STIM1: variants seen among roughly 807,000 people sequenced by gnomAD.
STIM1 encodes the protein stromal interaction molecule 1.
In STIM1, 25 loss-of-function variants were observed where a neutral mutation model predicts 74.7. The ratio of observed to expected loss-of-function variants is 0.33; its 90% confidence interval spans 0.24 to 0.47. The LOEUF is 0.47. Among genes scored for constraint, STIM1 ranks in the 20% least tolerant of loss-of-function variants. The probability of loss-of-function intolerance (pLI) is 1.00; values close to 1 mark genes in which losing one functional copy is unlikely to be tolerated. For missense variants in STIM1, 728 were observed against 920.8 expected, an observed-to-expected ratio of 0.79 and a Z score of 2.71; for synonymous variants, 328 against 348.8, an observed-to-expected ratio of 0.94 and a Z score of 0.66.
intron 3 of STIM1, among the ~76,000 whole-genome samples, chr11:4,029,214 A>G (rs1295836262): frequency 6.6e-6 from 1 of 151,996 alleles, no homozygotes; most frequent in Non-Finnish European, 1.5e-5. Context: ...TAAATAAATA[A>G]AATAAAGTAA....
chr11:3,988,674 C>T (rs1299164152), intron 2 of STIM1, among the ~76,000 whole-genome samples: 2 of 152,072 alleles, frequency 1.3e-5, no homozygotes, highest in Non-Finnish European at 2.9e-5. Context: ...CTACCACAAC[C>T]AAAGATGTTA....
At chr11:3,925,810 G>A (rs60398029) in intron 1 of STIM1, among the ~76,000 whole-genome samples, 1,651 of 152,250 alleles carry the variant, frequency 0.011, 32 homozygotes, top group African/African-American at 0.036. Context: ...TTATAATAGA[G>A]GCTGTAAAAT....
intron 1 of STIM1, among the ~76,000 whole-genome samples, chr11:3,856,865 G>A (rs1164083679): frequency 1.3e-5 from 2 of 152,130 alleles, no homozygotes; most frequent in Non-Finnish European, 2.9e-5. Flanking sequence ...TGGTGTTCAG[G>A]TGTGCCTATT....
At chr11:3,918,498 T>G (rs1007585040) in intron 1 of STIM1, among the ~76,000 whole-genome samples, 3 of 150,000 alleles carry the variant, frequency 2.0e-5, no homozygotes, top group Non-Finnish European at 4.4e-5. Flanking sequence ...ATCAGACCAC[T>G]GCACTCCAGC....
At chr11:3,868,755 C>T (rs1231145437) in intron 1 of STIM1, among the ~76,000 whole-genome samples, 1 of 152,104 alleles carries the variant, frequency 6.6e-6, no homozygotes, top group East Asian at 1.9e-4. Context: ...AAAACTATCA[C>T]CCTGGTTCAA....
intron 6 of STIM1, among the ~76,000 whole-genome samples, chr11:4,073,048 G>GTTTTTTT (rs56009858): frequency 4.8e-4 from 40 of 82,822 alleles, no homozygotes; most frequent in African/African-American, 1.4e-3. Flanking sequence ...GGACTTAGAG[G>GTTTTTTT]TTTTTTTTTT....
chr11:4,018,264 A>G (rs1410491736), intron 2 of STIM1, among the ~76,000 whole-genome samples: 3 of 150,574 alleles, frequency 2.0e-5, no homozygotes, highest in Admixed American at 2.0e-4. Flanking sequence ...CCTGGCTAAC[A>G]AGGTGAAACC....
chr11:4,027,095 A>C (rs1017684553), intron 3 of STIM1, among the ~76,000 whole-genome samples: 2 of 152,198 alleles, frequency 1.3e-5, no homozygotes, highest in Non-Finnish European at 2.9e-5. Context: ...GGGACCCACC[A>C]GGAATAATAA....
intron 1 of STIM1, among the ~76,000 whole-genome samples, chr11:3,930,363 T>G (rs372081337): frequency 6.2e-4 from 95 of 152,368 alleles, no homozygotes; most frequent in African/African-American, 2.2e-3. Flanking sequence ...TGACTTTGTC[T>G]TTCGAAAATG....
intron 2 of STIM1, among the ~76,000 whole-genome samples, chr11:3,981,902 A>G (rs1267747070): frequency 5.9e-5 from 9 of 152,260 alleles, no homozygotes; most frequent in Admixed American, 5.9e-4. Flanking sequence ...GAGCAAAAGT[A>G]TGTACTTATA....
intron 3 of STIM1, among the ~76,000 whole-genome samples, chr11:4,026,968 G>T (rs2094002705): frequency 6.6e-6 from 1 of 152,146 alleles, no homozygotes; most frequent in African/African-American, 2.4e-5. Flanking sequence ...TCTCCATAAA[G>T]GTTGGATTGG....
intron 3 of STIM1, among the ~76,000 whole-genome samples, chr11:4,053,346 G>A (rs1164892597): frequency 6.6e-6 from 1 of 152,134 alleles, no homozygotes; most frequent in Admixed American, 6.5e-5. Context: ...GTCCATCAAC[G>A]ATAGATTGGA....
At chr11:4,058,553 A>AC (rs551333212) in intron 4 of STIM1, among the ~76,000 whole-genome samples, 125 of 151,774 alleles carry the variant, frequency 8.2e-4, no homozygotes, top group African/African-American at 3.0e-3. Context: ...CATATCTTTT[A>AC]CCCCCCTCCT....
rs1412880672 is a variant in STIM1, at chr11:4,059,284, G to A, written c.501G>A (p.Leu167=). 3.1e-6 allele frequency: 5 copies of A among 1,613,886 alleles called. No homozygotes were observed. Among genetic ancestry groups the A allele is most frequent in the Non-Finnish European group, 4.2e-6 (5 of 1,179,830 alleles). The change falls in exon 5 of 13, where the codon CTG becomes CTA. Residue 167 remains leucine, a synonymous_variant. Transcript: ENST00000526596. ...LQLSGHAMPR[L]AVTNTTMTGT... Reference sequence around the variant, plus strand: ...CTGCTACTCTTTGCCTCAACAGGCTGGCTGTCACCAACACCACCATGACAG... The same window carrying A: ...CTGCTACTCTTTGCCTCAACAGGCTAGCTGTCACCAACACCACCATGACAG...
At chr11:3,865,543 T>C (rs2090821857) in intron 1 of STIM1, among the ~76,000 whole-genome samples, 1 of 152,192 alleles carries the variant, frequency 6.6e-6, no homozygotes, top group Non-Finnish European at 1.5e-5. Context: ...GCTTTTTTAT[T>C]AGGCACAGAA....
chr11:4,089,362 C>T (rs1027896278), intron 12 of STIM1, among the ~76,000 whole-genome samples: 1 of 152,188 alleles, frequency 6.6e-6, no homozygotes, highest in Non-Finnish European at 1.5e-5. Flanking sequence ...ATCTTCACTT[C>T]CTCAGCTTAG....
intron 2 of STIM1, among the ~76,000 whole-genome samples, chr11:4,012,131 G>A (rs1400259206): frequency 6.6e-6 from 1 of 152,210 alleles, no homozygotes; most frequent in Non-Finnish European, 1.5e-5. Context: ...CTGTAGCCTT[G>A]TAGCATAGTT....
chr11:3,933,716 T>A (rs1247789253), intron 1 of STIM1, among the ~76,000 whole-genome samples: 1 of 152,200 alleles, frequency 6.6e-6, no homozygotes, highest in African/African-American at 2.4e-5. Context: ...CCGTCTACAA[T>A]GTATTTTTGT....
At chr11:3,965,180 C>T (rs2093327967) in intron 1 of STIM1, among the ~76,000 whole-genome samples, 1 of 152,226 alleles carries the variant, frequency 6.6e-6, no homozygotes. Flanking sequence ...CAAGTTCATT[C>T]ACTTATATTT....
Sources: gnomAD v4.1 joint callset for allele counts (sites outside exome capture counted in the v4.1 genomes callset) on GRCh38, gnomAD v4.1.1 for gene constraint, MANE v1.5 for transcripts, NCBI Gene and HGNC (gene_info 2026-07-23, HGNC 2026-07-21) for gene names.